Variants in ZP4 observed in about 807,000 individuals in gnomAD.
The protein encoded by ZP4 is zona pellucida sperm-binding protein 4.
A neutral mutation model predicts 62.3 loss-of-function variants in ZP4; 62 were observed. That is an observed-to-expected ratio of 0.99 (90% CI 0.81 to 1.23). The LOEUF (loss-of-function observed/expected upper bound fraction) is 1.23, where lower values mean the gene tolerates loss of function less well. Among genes scored for constraint, ZP4 ranks in the 50% most tolerant of loss-of-function variants. The pLI, the probability that ZP4 is intolerant of heterozygous loss-of-function variation, is 0.00. For missense variants in ZP4, 774 were observed against 656.0 expected, an observed-to-expected ratio of 1.18 and a Z score of -1.97; for synonymous variants, 289 against 247.3, an observed-to-expected ratio of 1.17 and a Z score of -1.58.
rs1292150829 is a variant in ZP4 at position 237,883,772 on chromosome 1, GAA to G, written c.1391-928_1391-927del. ...GAGAGGGAGAGAGAGGGAGAGAGAGGAAGAGAGAGGAAGAGAGAGGAAGAGAG... is the reference window on the plus strand; with the variant it reads ...GAGAGGGAGAGAGAGGGAGAGAGAGGGAGAGAGGAAGAGAGAGGAAGAGAG... On this transcript the variant is annotated intron_variant, in intron 10 of 11. Transcript: ENST00000366570. Among the ~76,000 whole-genome samples, 235 of 91,086 alleles carry G rather than the reference GAA, an allele frequency of 2.6e-3. 6 individuals are homozygous for G. The highest frequency in any genetic ancestry group is 6.8e-3 in the Middle Eastern group (1 of 148). 59.8% of individuals were successfully genotyped at this position (91,086 alleles called of 152,430 possible).
At chr1:237,883,994 ACAC>A (rs1558530819) in intron 10 of ZP4, among the ~76,000 whole-genome samples, 10 of 57,162 alleles carry the variant, frequency 1.7e-4, no homozygotes, top group East Asian at 8.1e-4. Flanking sequence ...ACACACACAC[ACAC>A]ACACACACAC....
chr1:237,890,099 CG>C lies in ZP4; in HGVS notation c.252del (p.Val85TrpfsTer49). 1 of 1,614,124 alleles carries C rather than the reference CG, an allele frequency of 6.2e-7. No homozygotes were observed. The highest frequency in any genetic ancestry group is 8.5e-7 in the Non-Finnish European group (1 of 1,180,020). On this transcript the variant is annotated frameshift_variant, in exon 2 of 12. Coordinates refer to ENST00000366570, the MANE Select transcript of ZP4 (RefSeq NM_021186.5). LOFTEE classifies it high-confidence loss of function. ...GTWIRKGPGS[S>X]VVLEATYSSC... ...CTGCTATAGGTTGCCTCCAACACCA[CG>C]GAGCTGCCTGGACCTTTTCTTATCC...
chr1:237,887,208 T>A (rs1233478241), intron 5 of ZP4, among the ~76,000 whole-genome samples, 166 bp downstream of exon 5: 1 of 151,990 alleles, frequency 6.6e-6, no homozygotes, highest in East Asian at 1.9e-4. Flanking sequence ...CCAGAAGAGA[T>A]TAACTTTTTC....
chr1:237,887,616 C>A, intron 4 of ZP4, 55 bp from the exon 5 acceptor site: 3 of 1,541,308 alleles, frequency 1.9e-6, no homozygotes, highest in Non-Finnish European at 8.8e-7. Flanking sequence ...GTGGGGAGAA[C>A]CAGATGAAAG....
chr1:237,882,877 T>C (rs1392595625), intron 10 of ZP4, 31 bp from the exon 11 acceptor site: 1 of 1,590,080 alleles, frequency 6.3e-7, no homozygotes, highest in Non-Finnish European at 8.6e-7. Context: ...AGTAATTCAT[T>C]AGTTTTTGCA....
chr1:237,886,436 GT>G (rs1164430134), intron 6 of ZP4, among the ~76,000 whole-genome samples: 93 of 152,130 alleles, frequency 6.1e-4, no homozygotes, highest in Non-Finnish European at 7.4e-5. Context: ...CTGACTTAAG[GT>G]TTTAAAGGAA....
chr1:237,884,590 T>C lies in ZP4; in HGVS notation c.1390+179A>G, dbSNP rs116254809. On this transcript the variant is annotated intron_variant, in intron 10 of 11. Transcript: ENST00000366570. ...GGGTTACCCGAACATTTATAGCTTG[T>C]TTTAGGAGACATGGGATTCTGGGAA... 3.2e-3 allele frequency among the ~76,000 whole-genome samples: 493 copies of C among 152,310 alleles called. 2 individuals carry two copies. The highest frequency in any genetic ancestry group is 5.4e-3 in the Non-Finnish European group (366 of 68,014).
At position 237,890,649 on chromosome 1, in the gene ZP4, G is replaced by A. The variant is rs747300276; in HGVS notation, c.-14C>T. 1.2e-6 allele frequency: 2 copies of A among 1,607,152 alleles called. No individual in the cohort carries two copies. Among genetic ancestry groups the A allele is most frequent in the Non-Finnish European group, 1.7e-6 (2 of 1,176,412 alleles). The stretch of plus-strand genomic sequence containing the variant: ...CAGCAGCCACATAATGCTACCAGGA[G>A]TTCCTGCCGGCTGCAGACTCTCCGC... On this transcript the variant is annotated 5_prime_UTR_variant, in exon 1 of 12. Transcript: ENST00000366570.
In ZP4 at chr1:237,882,812, A is replaced by G. The variant is rs148365175; in HGVS notation, c.1425T>C (p.Thr475=). Reference sequence around the variant, plus strand: ...GGCCTTTGCTAGAAACACTAGCAGTAGTGTTCTGAGAACTGTTGTCAAAAT... The same window carrying G: ...GGCCTTTGCTAGAAACACTAGCAGTGGTGTTCTGAGAACTGTTGTCAAAAT... ...RRNFDNSSQN[T]TASVSSKGPM... Residue 475 remains threonine (T), a synonymous_variant, in exon 11 of 12, where the codon ACT becomes ACC. Transcript: ENST00000366570. 3.5e-5 allele frequency: 56 copies of G among 1,614,044 alleles called. No homozygotes were observed. The highest frequency in any genetic ancestry group is 4.7e-5 in the Non-Finnish European group (55 of 1,180,016).
Position 237,885,391 on chromosome 1 carries a change from C to T in ZP4, c.1160G>A (p.Gly387Asp), listed in dbSNP as rs766937660. 98 of 1,610,684 alleles carry T rather than the reference C, an allele frequency of 6.1e-5. No homozygotes were observed. The highest frequency in any genetic ancestry group is 7.8e-5 in the Non-Finnish European group (92 of 1,178,358). Reference sequence around the variant, plus strand: ...ACAGGTGTATGAAAGAACCACTTACCCCTTTACCAGGATGGGCCACTGTGG... The same window carrying T: ...ACAGGTGTATGAAAGAACCACTTACTCCTTTACCAGGATGGGCCACTGTGG... ...SQPQWPILVK[G>D]CPYIGDNYQT... Residue 387 changes from glycine (G) to aspartate (D), a missense_variant and splice_region_variant, in exon 8 of 12, where the codon GGC becomes GAC. Coordinates refer to ENST00000366570, the MANE Select transcript of ZP4 (RefSeq NM_021186.5).
intron 3 of ZP4, among the ~76,000 whole-genome samples, chr1:237,889,459 C>G (rs1036255803): frequency 2.0e-5 from 3 of 151,976 alleles, no homozygotes; most frequent in Non-Finnish European, 4.4e-5. Flanking sequence ...GCTGGGATTA[C>G]AGGCATGTAC....
intron 8 of ZP4, 24 bp downstream of exon 8, chr1:237,885,367 C>T: frequency 1.2e-6 from 2 of 1,611,014 alleles, no homozygotes; most frequent in South Asian, 1.1e-5. Context: ...AATTTCAGCA[C>T]AGGTGTATGA....
In ZP4 at chr1:237,887,455, G is replaced by A; in HGVS notation, c.660C>T (p.Asp220=). ...TTGCCATCACAGGGTTACACGCACT[G>A]TCATTCCTAAGGGCCAAGCGCACAG... ...LDSVRLALRN[D]SACNPVMATQ... The change falls in exon 5 of 12, where the codon GAC becomes GAT. Residue 220 remains aspartate, a synonymous_variant. Transcript: ENST00000366570. 3.1e-6 allele frequency: 5 copies of A among 1,614,208 alleles called. No homozygotes were observed. Among genetic ancestry groups the A allele is most frequent in the Non-Finnish European group, 4.2e-6 (5 of 1,180,036 alleles).
chr1:237,884,057 C>CACACAAACACACACAA (rs1558531295), intron 10 of ZP4, among the ~76,000 whole-genome samples: 10 of 137,174 alleles, frequency 7.3e-5, no homozygotes, highest in African/African-American at 3.2e-4. Flanking sequence ...CACACAAACA[C>CACACAAACACACACAA]ACACAAACAC....
chr1:237,884,017 A>C (rs78448217), intron 10 of ZP4, among the ~76,000 whole-genome samples: 9,088 of 86,178 alleles, frequency 0.11, 574 homozygotes, highest in African/African-American at 0.12. Flanking sequence ...CACACACACA[A>C]ACACACACAC....
chr1:237,886,418 T>G lies in ZP4; in HGVS notation c.839+353A>C, dbSNP rs116069785. ...TTTTTGTCCATGGCTTTAAGGTGTG[T>G]GATTTGACTGACTTAAGGTTTTAAA... is the stretch of plus-strand genomic sequence containing the variant. On this transcript the variant is annotated intron_variant, in intron 6 of 11. Transcript: ENST00000366570. Among the ~76,000 whole-genome samples, 590 of 151,960 alleles carry G rather than the reference T, an allele frequency of 3.9e-3. 3 individuals carry two copies. Among genetic ancestry groups the G allele is most frequent in the Non-Finnish European group, 6.5e-3 (439 of 67,974 alleles).
rs924900184 is a variant in ZP4, at chr1:237,890,864, T to C, written c.-229A>G. On this transcript the variant is annotated 5_prime_UTR_variant, in exon 1 of 12. Coordinates refer to ENST00000366570, the MANE Select transcript of ZP4 (RefSeq NM_021186.5). Reference sequence around the variant, plus strand: ...ATTAAATACCACAATCCAGGCAGACTTCAGAGCCCAAGAAAAATGTAGTAA... The same window carrying C: ...ATTAAATACCACAATCCAGGCAGACCTCAGAGCCCAAGAAAAATGTAGTAA... The C allele has an allele frequency of 1.2e-4, 51 of 422,288 alleles. No individual in the cohort carries two copies. The highest frequency in any genetic ancestry group is 9.0e-4 in the African/African-American group (44 of 49,082). 26.2% of individuals were successfully genotyped at this position (422,288 alleles called of 1,614,324 possible). A position where few individuals can be genotyped will look rare whatever the true frequency, so the allele number is the denominator to read the frequency against.
chr1:237,884,945 G>T, intron 9 of ZP4, 98 bp from the exon 10 acceptor site: 1 of 1,368,668 alleles, frequency 7.3e-7, no homozygotes, highest in Non-Finnish European at 1.0e-6. Flanking sequence ...GAAGTTATCA[G>T]AAAATTGATA....
At chr1:237,887,240 C>T in intron 5 of ZP4, 134 bp downstream of exon 5, 2 of 1,021,334 alleles carry the variant, frequency 2.0e-6, no homozygotes, top group Non-Finnish European at 2.9e-6. Flanking sequence ...ATTCTCCTGC[C>T]CTAGGGACTC....
Sources: allele counts gnomAD v4.1 joint callset (sites outside exome capture counted in the v4.1 genomes callset), GRCh38; gene constraint gnomAD v4.1.1; transcripts MANE v1.5; gene names NCBI Gene and HGNC (gene_info 2026-07-23, HGNC 2026-07-21).